PLSCR1: variants seen among roughly 807,000 people sequenced by gnomAD.
PLSCR1 encodes PL scramblase 1.
In PLSCR1, 17 loss-of-function variants were observed where a neutral mutation model predicts 37.8. That is an observed-to-expected ratio of 0.45 (90% CI 0.31 to 0.68). PLSCR1 has a LOEUF of 0.68. PLSCR1 is among the 30% of genes least tolerant of loss of function. The pLI is 0.06. For missense variants in PLSCR1, 347 were observed against 380.9 expected, an observed-to-expected ratio of 0.91 and a Z score of 0.74; for synonymous variants, 116 against 125.9, an observed-to-expected ratio of 0.92 and a Z score of 0.53.
At chr3:146,536,609 C>A in intron 1 of PLSCR1, 44 bp from the exon 2 acceptor site, 2 of 1,172,788 alleles carry the variant, frequency 1.7e-6, no homozygotes, top group Non-Finnish European at 2.6e-6. Flanking sequence ...TACAAGGCCA[C>A]AAGTCAAATA....
In PLSCR1 at chr3:146,519,723, C is replaced by T. The variant is rs982989907; in HGVS notation, c.738+1821G>A. 5.9e-5 allele frequency among the ~76,000 whole-genome samples: 9 copies of T among 152,108 alleles called. No homozygotes were observed. In the East Asian group the frequency reaches 1.2e-3, roughly 20 times the overall value. Reference sequence around the variant, plus strand: ...TGATTATATTTTGCTGATCCCTGACCTAGATGTGTATTAGTATTTGATACC... The same window carrying T: ...TGATTATATTTTGCTGATCCCTGACTTAGATGTGTATTAGTATTTGATACC... On this transcript the variant is annotated intron_variant, in intron 7 of 8. Transcript: ENST00000342435.
intron 5 of PLSCR1, among the ~76,000 whole-genome samples, chr3:146,525,333 G>A (rs1410410220): frequency 2.6e-5 from 4 of 152,200 alleles, no homozygotes; most frequent in Non-Finnish European, 5.9e-5. Context: ...CAGAAAAAAA[G>A]TGATGTATGA....
chr3:146,528,461 T>C (rs1408492150), intron 4 of PLSCR1, 153 bp downstream of exon 4: 2 of 645,500 alleles, frequency 3.1e-6, no homozygotes, highest in Non-Finnish European at 5.4e-6. Flanking sequence ...TGCTTTAAAA[T>C]TGAACCAGAC....
chr3:146,539,519 C>A (rs922271159), intron 1 of PLSCR1, among the ~76,000 whole-genome samples: 6 of 152,150 alleles, frequency 3.9e-5, no homozygotes, highest in South Asian at 2.1e-4. Flanking sequence ...AGTTTCAAGT[C>A]GTTGCCAAAT....
At chr3:146,517,354 A>G (rs1005526515) in intron 7 of PLSCR1, 187 bp from the exon 8 acceptor site, 4 of 322,656 alleles carry the variant, frequency 1.2e-5, no homozygotes, top group Non-Finnish European at 2.2e-5. Flanking sequence ...TGTACGGAGA[A>G]ATTATATTTC....
At chr3:146,518,946 T>A (rs2043982695) in intron 7 of PLSCR1, among the ~76,000 whole-genome samples, 1 of 152,138 alleles carries the variant, frequency 6.6e-6, no homozygotes, top group African/African-American at 2.4e-5. Flanking sequence ...CATAGATTCA[T>A]CTCACAATGC....
In PLSCR1 at chr3:146,521,535, A is replaced by G. The variant is rs1334571856; in HGVS notation, c.738+9T>C. ...AAGCAAATCTTATAAACATTATGAC[A>G]TCTCTTACCTCAAAATCAACATCTC... On this transcript the variant is annotated intron_variant, in intron 7 of 8. Coordinates refer to ENST00000342435, the MANE Select transcript of PLSCR1 (RefSeq NM_021105.3). 3 of 1,609,678 alleles carry G rather than the reference A, an allele frequency of 1.9e-6. No individual in the cohort carries two copies. Among genetic ancestry groups the G allele is most frequent in the Non-Finnish European group, 2.5e-6 (3 of 1,177,454 alleles).
At chr3:146,538,396 A>G (rs1207112372) in intron 1 of PLSCR1, among the ~76,000 whole-genome samples, 1 of 152,228 alleles carries the variant, frequency 6.6e-6, no homozygotes, top group Non-Finnish European at 1.5e-5. Context: ...AAAATATGCG[A>G]AGAGTACTTT....
At chr3:146,539,793 T>C (rs1207470432) in intron 1 of PLSCR1, among the ~76,000 whole-genome samples, 3 of 152,230 alleles carry the variant, frequency 2.0e-5, no homozygotes, top group Non-Finnish European at 4.4e-5. Context: ...TTAGCATTTA[T>C]ATAATATCTC....
chr3:146,537,942 C>G (rs2044288120), intron 1 of PLSCR1: 1 of 152,160 alleles, frequency 6.6e-6, no homozygotes, highest in Non-Finnish European at 1.5e-5. Context: ...ATTTTATAAT[C>G]AACTTAAAGT....
chr3:146,516,623 A>G, intron 8 of PLSCR1: 1 of 176,740 alleles, frequency 5.7e-6, no homozygotes, highest in Admixed American at 6.3e-5. Flanking sequence ...CTCCTATATT[A>G]GATGGTTTAA....
chr3:146,544,176 T>C (rs16858426), intron 1 of PLSCR1, among the ~76,000 whole-genome samples: 4,195 of 152,244 alleles, frequency 0.028, 86 homozygotes, highest in Middle Eastern at 0.085. Context: ...GGGCACCCCT[T>C]GTCATTCGAA....
intron 1 of PLSCR1, among the ~76,000 whole-genome samples, chr3:146,542,825 G>T (rs1418017128): frequency 6.6e-6 from 1 of 152,016 alleles, no homozygotes; most frequent in East Asian, 1.9e-4. Flanking sequence ...GGTTTTAAAG[G>T]AATTAATTGA....
intron 1 of PLSCR1, among the ~76,000 whole-genome samples, chr3:146,539,067 A>G (rs140677460): frequency 3.5e-4 from 54 of 152,292 alleles, no homozygotes; most frequent in African/African-American, 1.3e-3. Context: ...TTCTATTATT[A>G]TTACATTGTA....
At chr3:146,532,273 A>G (rs1216821951) in intron 3 of PLSCR1, among the ~76,000 whole-genome samples, 1 of 152,200 alleles carries the variant, frequency 6.6e-6, no homozygotes, top group East Asian at 1.9e-4. Flanking sequence ...TGAATATTAT[A>G]GACTTACTAA....
intron 1 of PLSCR1, among the ~76,000 whole-genome samples, chr3:146,537,204 C>T (rs549645195): frequency 3.3e-5 from 5 of 152,096 alleles, no homozygotes; most frequent in Admixed American, 3.3e-4. Context: ...ACTTTGTACT[C>T]GGTATTTATA....
chr3:146,539,290 T>TG (rs1236746682), intron 1 of PLSCR1, among the ~76,000 whole-genome samples: 1 of 152,192 alleles, frequency 6.6e-6, no homozygotes, highest in Non-Finnish European at 1.5e-5. Context: ...CTAATGCCAC[T>TG]GCTGATCTGA....
chr3:146,516,216 A>AC, intron 8 of PLSCR1, 115 bp from the exon 9 acceptor site: 1 of 569,996 alleles, frequency 1.8e-6, no homozygotes, highest in East Asian at 3.1e-5. Flanking sequence ...TGTTAAAAAA[A>AC]TTAAATGTAA....
chr3:146,528,765 G>C lies in PLSCR1; in HGVS notation c.161C>G (p.Ser54Ter), dbSNP rs528799977. The change falls in exon 4 of 9, where the codon TCA becomes TGA. Residue 54 changes from serine (S) to a stop codon, truncating the protein, a stop_gained. Coordinates refer to ENST00000342435, the MANE Select transcript of PLSCR1 (RefSeq NM_021105.3). LOFTEE classifies it high-confidence loss of function. ...VSYPPPPAGHSGPGPAGFPVP... is the reference protein window; with the variant it reads ...VSYPPPPAGH The stretch of plus-strand genomic sequence containing the variant: ...AGGAAAGCCAGCTGGGCCAGGACCT[G>C]AATGGCCGGCTGGTGGGGGTGGGTA... 1 of 1,614,202 alleles carries C rather than the reference G, an allele frequency of 6.2e-7. No individual in the cohort carries two copies. Among genetic ancestry groups the C allele is most frequent in the Admixed American group, 1.7e-5 (1 of 60,034 alleles).
Sources: gnomAD v4.1 joint callset for allele counts (sites outside exome capture counted in the v4.1 genomes callset) on GRCh38, gnomAD v4.1.1 for gene constraint, MANE v1.5 for transcripts, NCBI Gene and HGNC (gene_info 2026-07-23, HGNC 2026-07-21) for gene names.